The following PWWP2B variants were observed in gnomAD, a reference collection of about 807,000 sequenced individuals.
PWWP2B encodes the protein PWWP domain containing 2B.
Under a neutral mutation model 15.5 loss-of-function variants are expected in PWWP2B, and 9 were observed. That is an observed-to-expected ratio of 0.58 (90% confidence interval 0.35 to 1.02). PWWP2B has a LOEUF of 1.02. Ranked by LOEUF, PWWP2B falls within the 50% of genes least tolerant of loss-of-function variation. The pLI is 0.02. For missense variants in PWWP2B, 864 were observed against 865.3 expected, an observed-to-expected ratio of 1.00 and a Z score of 0.02; for synonymous variants, 474 against 403.6, an observed-to-expected ratio of 1.17 and a Z score of -2.09.
chr10:132,398,733 G>A lies in PWWP2B; in HGVS notation c.125+1382G>A, dbSNP rs942249481. 6.6e-5 allele frequency among the ~76,000 whole-genome samples: 10 copies of A among 152,306 alleles called. No individual in the cohort carries two copies. In the East Asian group the frequency reaches 1.5e-3, roughly 24 times the overall value. Reference sequence around the variant, plus strand: ...AAAAACCAGGCCCGATGGGACCCCCGGCGTGGGAACTGGCAGCTGTAGGAT... The same window carrying A: ...AAAAACCAGGCCCGATGGGACCCCCAGCGTGGGAACTGGCAGCTGTAGGAT... On this transcript the variant is annotated intron_variant, in intron 1 of 2. Transcript: ENST00000305233.
chr10:132,401,100 G>T (rs988172014), intron 1 of PWWP2B, among the ~76,000 whole-genome samples: 3 of 152,230 alleles, frequency 2.0e-5, no homozygotes, highest in Non-Finnish European at 2.9e-5. Context: ...CCCCAGGGCC[G>T]CCACGGCTGA....
intron 2 of PWWP2B, among the ~76,000 whole-genome samples, chr10:132,411,773 C>T (rs150013733): frequency 1.2e-4 from 19 of 152,376 alleles, no homozygotes; most frequent in African/African-American, 4.1e-4. Context: ...GAAGCAGCGA[C>T]GCCGCCGTCT....
chr10:132,406,310 C>G (rs2069697926), intron 2 of PWWP2B, 21 bp downstream of exon 2: 1 of 1,569,838 alleles, frequency 6.4e-7, no homozygotes, highest in Admixed American at 1.7e-5. Context: ...CAGCGGCAGC[C>G]TCCTTCCCCC....
intron 2 of PWWP2B, among the ~76,000 whole-genome samples, chr10:132,416,637 G>A (rs1453103831): frequency 6.6e-6 from 1 of 152,056 alleles, no homozygotes; most frequent in Non-Finnish European, 1.5e-5. Context: ...GGGGGCTTGG[G>A]GCTCCTCCCC....
At chr10:132,415,695 GCACTCTCACACACATC>G (rs201542746) in intron 2 of PWWP2B, among the ~76,000 whole-genome samples, 7,551 of 129,494 alleles carry the variant, frequency 0.058, 254 homozygotes, top group Admixed American at 0.13. Context: ...ACACACACAT[GCACTCTCACACACATC>G]CACTCACACA....
intron 2 of PWWP2B, among the ~76,000 whole-genome samples, chr10:132,414,898 G>A (rs954035634): frequency 3.3e-5 from 5 of 152,168 alleles, no homozygotes; most frequent in South Asian, 2.1e-4. Flanking sequence ...CTCAACTGGC[G>A]TTGGGCTGGG....
rs2069683836 is a variant in PWWP2B at position 132,405,533 on chromosome 10, C to A, written c.1033C>A (p.His345Asn). ...GCCCCACCGTCTGGGGGACAGCGAG[C>A]ACGAGCCCGTGTACCGGGCCGAGCT... ...LKPHRLGDSE[H>N]EPVYRAELVG... The change falls in exon 2 of 3, where the codon CAC (histidine) becomes AAC (asparagine). Residue 345 changes from histidine (H) to asparagine (N), a missense_variant. His to Asn is a moderately conservative substitution (Grantham distance 68). This residue lies in a region of PWWP2B where 736 missense variants were observed against 687.7 expected (regional missense o/e 1.07). Transcript: ENST00000305233. 2.5e-6 allele frequency: 4 copies of A among 1,603,546 alleles called. No homozygotes were observed. In the South Asian group the frequency reaches 4.4e-5, roughly 18 times the overall value.
intron 1 of PWWP2B, among the ~76,000 whole-genome samples, chr10:132,401,794 G>A (rs2069619931): frequency 6.6e-6 from 1 of 152,250 alleles, no homozygotes; most frequent in African/African-American, 2.4e-5. Context: ...GGAAGACTGT[G>A]ATCTGTATCT....
Position 132,406,037 on chromosome 10 carries a change from C to A in PWWP2B, c.1537C>A (p.Leu513Ile). ...GCCGGCGCGTGTTCTTGACATCAGT[C>A]TCGGCCAGAAGGAGGACGGAGAGCC... ...WWPARVLDISLGQKEDGEPSW... is the reference protein window; with the variant it reads ...WWPARVLDISIGQKEDGEPSW... Residue 513 changes from leucine to isoleucine, a missense_variant, in exon 2 of 3, where the codon CTC (leucine) becomes ATC (isoleucine). By Grantham distance (5) the Leu-to-Ile change is conservative. Around this residue, in one of 2 missense-constraint regions of PWWP2B, gnomAD observed 128 missense variants for 177.6 expected, o/e 0.72. Transcript: ENST00000305233. 2 of 1,613,774 alleles carry A rather than the reference C, an allele frequency of 1.2e-6. No homozygotes were observed. The highest frequency in any genetic ancestry group is 1.7e-6 in the Non-Finnish European group (2 of 1,179,974).
At chr10:132,413,513 A>C (rs2069808564) in intron 2 of PWWP2B, among the ~76,000 whole-genome samples, 1 of 152,168 alleles carries the variant, frequency 6.6e-6, no homozygotes, top group South Asian at 2.1e-4. Flanking sequence ...TGACCTCAGA[A>C]CACACTTAAG....
chr10:132,413,023 C>T (rs372884644), intron 2 of PWWP2B, among the ~76,000 whole-genome samples: 4 of 152,350 alleles, frequency 2.6e-5, no homozygotes, highest in Admixed American at 1.3e-4. Flanking sequence ...CGCCGTGCCA[C>T]GTCATCTGGG....
intron 1 of PWWP2B, among the ~76,000 whole-genome samples, chr10:132,403,044 C>T (rs923645594): frequency 6.6e-6 from 1 of 152,262 alleles, no homozygotes; most frequent in African/African-American, 2.4e-5. Context: ...GAGTTGAAGG[C>T]AGCCCGCTTC....
Position 132,405,411 on chromosome 10 carries a change from G to C in PWWP2B, c.911G>C (p.Arg304Pro). Residue 304 changes from arginine to proline, a missense_variant, in exon 2 of 3, where the codon CGG becomes CCG. By Grantham distance (103) the Arg-to-Pro change is moderately radical (BLOSUM62 -2). Coordinates refer to ENST00000305233, the MANE Select transcript of PWWP2B (RefSeq NM_138499.4). ...GTGCTGGACAGAGAGTCCCGGGACC[G>C]GCCGTCCTGCGCGCCCTCGGCCTCC... Reference protein sequence around the residue: ...PEVLDRESRDRPSCAPSASIP... With the variant: ...PEVLDRESRDPPSCAPSASIP... 6.2e-7 allele frequency: 1 copy of C among 1,610,874 alleles called. No individual in the cohort carries two copies. Among genetic ancestry groups the C allele is most frequent in the Non-Finnish European group, 8.5e-7 (1 of 1,179,250 alleles).
chr10:132,416,945 C>G, intron 2 of PWWP2B, 116 bp from the exon 3 acceptor site: 1 of 1,089,042 alleles, frequency 9.2e-7, no homozygotes, highest in Non-Finnish European at 1.4e-6. Flanking sequence ...CGGTGGAGGT[C>G]CCGGGTGAGC....
chr10:132,412,033 C>T (rs988113883), intron 2 of PWWP2B, among the ~76,000 whole-genome samples: 4 of 152,352 alleles, frequency 2.6e-5, no homozygotes, highest in Admixed American at 6.5e-5. Flanking sequence ...GCTCAGGCCC[C>T]GCCCTACCTC....
intron 2 of PWWP2B, among the ~76,000 whole-genome samples, chr10:132,413,575 C>G (rs1019861656): frequency 1.3e-5 from 2 of 152,200 alleles, no homozygotes; most frequent in Non-Finnish European, 2.9e-5. Flanking sequence ...TTAAAACCCA[C>G]TGTGTTAGGA....
chr10:132,402,662 C>T (rs991070993), intron 1 of PWWP2B, among the ~76,000 whole-genome samples: 1 of 152,216 alleles, frequency 6.6e-6, no homozygotes, highest in African/African-American at 2.4e-5. Flanking sequence ...GGTACGGAGG[C>T]CAGTTCTGGC....
chr10:132,404,920 G>T lies in PWWP2B; in HGVS notation c.420G>T (p.Val140=). 1 of 1,595,184 alleles carries T rather than the reference G, an allele frequency of 6.3e-7. No individual in the cohort carries two copies. Among genetic ancestry groups the T allele is most frequent in the East Asian group, 2.2e-5 (1 of 44,742 alleles). The change falls in exon 2 of 3, where the codon GTG becomes GTT. Residue 140 remains valine (V), a synonymous_variant. Coordinates refer to ENST00000305233, the MANE Select transcript of PWWP2B (RefSeq NM_138499.4). ...LWLRDTYKLW[V]PQPPPRTIKR... ...TCCGGGACACGTACAAGCTGTGGGT[G>T]CCCCAGCCGCCGCCCAGGACCATCA...
chr10:132,406,598 CG>C (rs1204132761), intron 2 of PWWP2B, among the ~76,000 whole-genome samples: 1 of 152,238 alleles, frequency 6.6e-6, no homozygotes, highest in Non-Finnish European at 1.5e-5. Context: ...TGCTCTCAGT[CG>C]TTGTTTGGAG....
Sources: allele counts gnomAD v4.1 joint callset (sites outside exome capture counted in the v4.1 genomes callset), GRCh38; gene constraint gnomAD v4.1.1; regional missense constraint gnomAD v4.1.1; transcripts MANE v1.5; gene names NCBI Gene and HGNC (gene_info 2026-07-23, HGNC 2026-07-21).